NME5: variants seen among roughly 807,000 people sequenced by gnomAD.
NME5 encodes the protein NME/NM23 family member 5.
In NME5, 18 loss-of-function variants were observed where a neutral mutation model predicts 21.6. The ratio of observed to expected loss-of-function variants is 0.83; its 90% confidence interval spans 0.58 to 1.24. NME5 has a LOEUF of 1.24. NME5 is among the 50% of genes most tolerant of loss of function. The pLI, the probability that NME5 is intolerant of heterozygous loss-of-function variation, is 0.00. For missense variants in NME5, 223 were observed against 255.4 expected (o/e 0.87, Z 0.86); for synonymous variants, 70 against 80.6 (o/e 0.87, Z 0.71).
intron 1 of NME5, 49 bp downstream of exon 1, chr5:138,139,322 T>C (rs1393097851): frequency 1.0e-6 from 1 of 982,628 alleles, no homozygotes. Context: ...GCGGGGACTT[T>C]CCGGGTTGCA....
In NME5 at chr5:138,129,273, GTGT is replaced by G. The variant is rs1230632052; in HGVS notation, c.322_324del (p.Thr108del). On this transcript the variant is annotated inframe_deletion, in exon 3 of 6. Transcript: ENST00000265191. ...AACCCTGAAAATTACCTGTCTGGAT[GTGT>G]CTCCTTCGCTACTAAGCTATTATTT... The G allele has an allele frequency of 8.7e-6, 14 of 1,610,528 alleles. No homozygotes were observed. Among genetic ancestry groups the G allele is most frequent in the Admixed American group, 1.7e-5 (1 of 59,934 alleles).
intron 4 of NME5, among the ~76,000 whole-genome samples, chr5:138,124,252 C>T (rs1341196091): frequency 1.3e-5 from 2 of 151,930 alleles, no homozygotes; most frequent in African/African-American, 4.8e-5. Flanking sequence ...ATCTGCCAGC[C>T]TCGGCCTCCC....
At chr5:138,127,276 C>T (rs1751447563) in intron 4 of NME5, among the ~76,000 whole-genome samples, 1 of 152,006 alleles carries the variant, frequency 6.6e-6, no homozygotes, top group Non-Finnish European at 1.5e-5. Flanking sequence ...CCGTTACCGA[C>T]CCTGTTGGCA....
intron 2 of NME5, among the ~76,000 whole-genome samples, chr5:138,137,904 CAGG>C (rs1751739310): frequency 2.0e-5 from 3 of 151,664 alleles, no homozygotes; most frequent in African/African-American, 7.3e-5. Flanking sequence ...GAGGCTGAGG[CAGG>C]AGAATTGCTT....
intron 4 of NME5, among the ~76,000 whole-genome samples, chr5:138,125,933 G>A (rs1751414335): frequency 6.6e-6 from 1 of 152,128 alleles, no homozygotes; most frequent in African/African-American, 2.4e-5. Context: ...TTTTTCAAGG[G>A]TTAAGAACAT....
rs187069440 is a variant in NME5, at chr5:138,117,516, C to A, written c.555+1302G>T. On this transcript the variant is annotated intron_variant, in intron 5 of 5. Coordinates refer to ENST00000265191, the MANE Select transcript of NME5 (RefSeq NM_003551.3). ...GAACTTTAACTCAACAAAAAGACAACCCAGTTTAAAAATGGGCAAAGGACT... is the reference window on the plus strand; with the variant it reads ...GAACTTTAACTCAACAAAAAGACAAACCAGTTTAAAAATGGGCAAAGGACT... Among the ~76,000 whole-genome samples the A allele has an allele frequency of 3.9e-5, 6 of 152,086 alleles. No homozygotes were observed. The East Asian group carries it at 1.2e-3, about 29-fold the overall frequency.
At position 138,126,069 on chromosome 5, in the gene NME5, T is replaced by G. The variant is rs537290049; in HGVS notation, c.436+2410A>C. Among the ~76,000 whole-genome samples the G allele has an allele frequency of 3.3e-5, 5 of 152,326 alleles. No individual in the cohort carries two copies. In the South Asian group the frequency reaches 1.0e-3, roughly 32 times the overall value. ...ACTCTGAGTACTTGCTCCAAAGAAC[T>G]TCACAGCAAAAGAGCTACAATGTGC... On this transcript the variant is annotated intron_variant, in intron 4 of 5. Coordinates refer to ENST00000265191, the MANE Select transcript of NME5 (RefSeq NM_003551.3).
intron 3 of NME5, 137 bp downstream of exon 3, chr5:138,129,126 C>T: frequency 3.0e-6 from 2 of 664,666 alleles, no homozygotes; most frequent in South Asian, 2.0e-5. Flanking sequence ...CCCTGCCACC[C>T]TCTGCCCCCC....
At chr5:138,135,390 A>C (rs1362622612) in intron 2 of NME5, among the ~76,000 whole-genome samples, 3 of 150,814 alleles carry the variant, frequency 2.0e-5, no homozygotes, top group South Asian at 4.2e-4. Context: ...GCTGGAGTGC[A>C]ATGGCACGAT....
intron 4 of NME5, chr5:138,127,335 G>T: frequency 2.4e-6 from 1 of 409,540 alleles, no homozygotes; most frequent in Non-Finnish European, 3.3e-6. Context: ...TATTTATTTT[G>T]AATTCAGAAA....
Position 138,135,782 on chromosome 5 carries a change from C to A in NME5, c.129+2870G>T, listed in dbSNP as rs147453727. On this transcript the variant is annotated intron_variant, in intron 2 of 5. Transcript: ENST00000265191. ...ATATACTGAAAAATCTTATTCCTAT[C>A]CATTTCCTAATCTACTCAGTTCTTC... Among the ~76,000 whole-genome samples, 481 of 152,292 alleles carry A rather than the reference C, an allele frequency of 3.2e-3. 6 individuals are homozygous for A. Among genetic ancestry groups the A allele is most frequent in the Middle Eastern group, 0.014 (4 of 294 alleles).
intron 4 of NME5, 41 bp downstream of exon 4, chr5:138,128,438 A>T (rs1472399102): frequency 7.1e-7 from 1 of 1,403,884 alleles, no homozygotes; most frequent in South Asian, 1.2e-5. Context: ...AAAGCAAACA[A>T]TAAGGAGATG....
chr5:138,135,159 A>G (rs541066936), intron 2 of NME5, among the ~76,000 whole-genome samples: 147 of 147,358 alleles, frequency 1.0e-3, no homozygotes, highest in African/African-American at 3.5e-3. Flanking sequence ...TCTACTAAAA[A>G]TACAAAAAGT....
intron 4 of NME5, among the ~76,000 whole-genome samples, chr5:138,121,873 T>G (rs1751292651): frequency 2.0e-5 from 3 of 152,082 alleles, no homozygotes; most frequent in Admixed American, 2.0e-4. Flanking sequence ...TTTTTTTTCT[T>G]GTAGAGATGA....
intron 4 of NME5, chr5:138,127,317 G>A (rs1235488442): frequency 3.0e-6 from 1 of 332,434 alleles, no homozygotes; most frequent in African/African-American, 2.2e-5. Context: ...TATTCAAAAT[G>A]TGAAATGTAT....
At chr5:138,124,366 A>G (rs1751353649) in intron 4 of NME5, among the ~76,000 whole-genome samples, 1 of 151,936 alleles carries the variant, frequency 6.6e-6, no homozygotes, top group Non-Finnish European at 1.5e-5. Context: ...TATCTATTCA[A>G]GTCCTTTGCC....
intron 4 of NME5, among the ~76,000 whole-genome samples, chr5:138,126,510 C>CAAAAAAAA (rs57938582): frequency 2.6e-3 from 143 of 54,186 alleles, no homozygotes; most frequent in Middle Eastern, 0.022. Context: ...GAATCTATCT[C>CAAAAAAAA]AAAAAAAAAA....
At chr5:138,120,237 T>G (rs1452512771) in intron 4 of NME5, among the ~76,000 whole-genome samples, 1 of 145,348 alleles carries the variant, frequency 6.9e-6, no homozygotes, top group Non-Finnish European at 1.5e-5. Context: ...GCTCTTTTTT[T>G]TTTTTTTTTT....
At chr5:138,131,485 G>A (rs1279302756) in intron 2 of NME5, among the ~76,000 whole-genome samples, 1 of 151,756 alleles carries the variant, frequency 6.6e-6, no homozygotes, top group Non-Finnish European at 1.5e-5. Flanking sequence ...GGAGGCAGAA[G>A]TTGTGGTGAG....
Sources: gnomAD v4.1 joint callset for allele counts (sites outside exome capture counted in the v4.1 genomes callset) on GRCh38, gnomAD v4.1.1 for gene constraint, MANE v1.5 for transcripts, NCBI Gene and HGNC (gene_info 2026-07-23, HGNC 2026-07-21) for gene names.